Variants in KANSL1 observed in about 807,000 individuals in gnomAD.
The protein encoded by KANSL1 is KAT8 regulatory NSL complex subunit 1.
Under a neutral mutation model 103.6 loss-of-function variants are expected in KANSL1, and 22 were observed. That is an observed-to-expected ratio of 0.21 (90% CI 0.15 to 0.30). KANSL1 has a LOEUF of 0.30. Ranked by LOEUF, KANSL1 falls within the 10% of genes least tolerant of loss-of-function variation. KANSL1 has a pLI of 1.00. For missense variants in KANSL1, 1,337 were observed against 1,399.8 expected (o/e 0.96, Z 0.72); for synonymous variants, 600 against 527.6 (o/e 1.14, Z -1.88).
chr17:46,062,114 C>CAAAAAAAAAAAAAAAAAAAAAAAAAAAA (rs1192815524), intron 6 of KANSL1, among the ~76,000 whole-genome samples: 3 of 37,120 alleles, frequency 8.1e-5, no homozygotes, highest in East Asian at 1.1e-3. Flanking sequence ...AAAAAACAAA[C>CAAAAAAAAAAAAAAAAAAAAAAAAAAAA]AAACAAAAAA....
rs905959171 is a variant in KANSL1, at chr17:46,146,706, G to A, written c.1289+24149C>T. ...AAATTAGCCGGGCGTAGTGGCGGGC[G>A]CCTGTAGTCCCAGCTACTTGGGAGG... On this transcript the variant is annotated intron_variant, in intron 2 of 14. Coordinates refer to ENST00000432791, the MANE Select transcript of KANSL1 (RefSeq NM_015443.4). Among the ~76,000 whole-genome samples, 89 of 143,574 alleles carry A rather than the reference G, an allele frequency of 6.2e-4. No homozygotes were observed. In the East Asian group the frequency reaches 0.016, roughly 26 times the overall value. The allele number at this position is 143,574 out of a possible 152,430, so 94.2% of individuals were successfully genotyped here.
At position 46,171,669 on chromosome 17, in the gene KANSL1, T is replaced by C. The variant is rs1205072777; in HGVS notation, c.475A>G (p.Lys159Glu). 2.6e-6 allele frequency: 4 copies of C among 1,552,120 alleles called. No individual in the cohort carries two copies. Among genetic ancestry groups the C allele is most frequent in the Admixed American group, 4.2e-5 (2 of 48,054 alleles). ...LPQAPVNGLA[K>E]KLTKSSTHSD... ...TGTGTTGAACTTTTAGTCAATTTCT[T>C]AGCCAACCCATTTACAGGTGCTTGT... The change falls in exon 2 of 15, where the codon AAG becomes GAG. Residue 159 changes from lysine (K) to glutamate (E), a missense_variant. By Grantham distance (56) the Lys-to-Glu change is moderately conservative (BLOSUM62 1). Around this residue, in one of 2 missense-constraint regions of KANSL1, gnomAD observed 557 missense variants for 476.4 expected, o/e 1.17. Transcript: ENST00000432791.
At chr17:46,123,736 G>A (rs1176734498) in intron 2 of KANSL1, among the ~76,000 whole-genome samples, 1 of 152,208 alleles carries the variant, frequency 6.6e-6, no homozygotes, top group African/African-American at 2.4e-5. Flanking sequence ...GAAGATGACG[G>A]AGGCTGCTTT....
intron 6 of KANSL1, among the ~76,000 whole-genome samples, chr17:46,058,603 G>A (rs2078013344): frequency 6.6e-6 from 1 of 152,050 alleles, no homozygotes; most frequent in African/African-American, 2.4e-5. Flanking sequence ...AGTAGGCTGT[G>A]GGAAACTAAG....
intron 1 of KANSL1, among the ~76,000 whole-genome samples, chr17:46,199,326 T>A (rs893539944): frequency 4.6e-5 from 7 of 152,226 alleles, no homozygotes; most frequent in Non-Finnish European, 1.0e-4. Context: ...ACCTAAACCA[T>A]ACTACCTATT....
intron 1 of KANSL1, among the ~76,000 whole-genome samples, chr17:46,214,372 G>A (rs1426903814): frequency 6.6e-6 from 1 of 152,216 alleles, no homozygotes; most frequent in African/African-American, 2.4e-5. Flanking sequence ...AAGCAGTGAT[G>A]GCCGGGTATG....
At chr17:46,079,446 C>G (rs543437246) in intron 4 of KANSL1, among the ~76,000 whole-genome samples, 2 of 152,198 alleles carry the variant, frequency 1.3e-5, no homozygotes, top group South Asian at 4.1e-4. Flanking sequence ...TGATTAGGGC[C>G]CAGAAGTCTT....
intron 1 of KANSL1, among the ~76,000 whole-genome samples, chr17:46,200,744 A>AATATAT (rs66498281): frequency 6.7e-6 from 1 of 150,028 alleles, no homozygotes; most frequent in African/African-American, 2.5e-5. Flanking sequence ...TCTGTCTCAA[A>AATATAT]ATATATATAT....
At chr17:46,050,085 T>G in intron 7 of KANSL1, 1 of 154,692 alleles carries the variant, frequency 6.5e-6, no homozygotes, top group Non-Finnish European at 1.4e-5. Flanking sequence ...CTGGCTAATT[T>G]TTTATATTTA....
intron 1 of KANSL1, among the ~76,000 whole-genome samples, chr17:46,217,524 T>A (rs1567812975): frequency 6.7e-6 from 1 of 150,176 alleles, no homozygotes; most frequent in Non-Finnish European, 1.5e-5. Flanking sequence ...TAAAATGAGG[T>A]CATCAGAGAG....
intron 4 of KANSL1, among the ~76,000 whole-genome samples, chr17:46,069,221 C>A (rs2078489495): frequency 6.6e-6 from 1 of 152,164 alleles, no homozygotes; most frequent in African/African-American, 2.4e-5. Flanking sequence ...AGCCACCACA[C>A]CTAACCTGTC....
At chr17:46,118,342 G>A (rs2043134086) in intron 2 of KANSL1, among the ~76,000 whole-genome samples, 1 of 152,242 alleles carries the variant, frequency 6.6e-6, no homozygotes, top group Non-Finnish European at 1.5e-5. Flanking sequence ...ATGACTATTA[G>A]CTAAACAGTA....
chr17:46,074,160 G>GGAACC (rs1184364043), intron 4 of KANSL1, among the ~76,000 whole-genome samples: 6 of 152,080 alleles, frequency 3.9e-5, no homozygotes, highest in Non-Finnish European at 8.8e-5. Flanking sequence ...AAATACAAGA[G>GGAACC]GAACCTGGAA....
chr17:46,092,865 A>G (rs867981830), intron 3 of KANSL1: 1 of 152,140 alleles, frequency 6.6e-6, no homozygotes, highest in African/African-American at 2.4e-5. Context: ...AATTTCTGTT[A>G]TGCCCTGGTT....
rs924188809 is a variant in KANSL1 at position 46,105,884 on chromosome 17, C to G, written c.1290-11183G>C. On this transcript the variant is annotated intron_variant, in intron 2 of 14. Coordinates refer to ENST00000432791, the MANE Select transcript of KANSL1 (RefSeq NM_015443.4). The stretch of plus-strand genomic sequence containing the variant: ...AGACCTTCACACACACACACACACA[C>G]ACACACACAGAGCAAGGCCTTGACA... Among the ~76,000 whole-genome samples, 182 of 117,656 alleles carry G rather than the reference C, an allele frequency of 1.5e-3. 2 individuals are homozygous for G. Among genetic ancestry groups the G allele is most frequent in the Non-Finnish European group, 3.1e-3 (155 of 50,422 alleles). 77.2% of individuals were successfully genotyped at this position (117,656 alleles called of 152,430 possible).
intron 4 of KANSL1, among the ~76,000 whole-genome samples, chr17:46,074,381 G>C (rs1278748162): frequency 6.6e-6 from 1 of 151,810 alleles, no homozygotes; most frequent in African/African-American, 2.4e-5. Context: ...TAAATGAGGG[G>C]GGAAGACACC....
intron 1 of KANSL1, among the ~76,000 whole-genome samples, chr17:46,200,340 C>T (rs1421378629): frequency 6.6e-6 from 1 of 152,176 alleles, no homozygotes; most frequent in Non-Finnish European, 1.5e-5. Context: ...AACTTCAAGG[C>T]AGCTGTGAGC....
At chr17:46,070,085 G>C (rs1300486738) in intron 4 of KANSL1, among the ~76,000 whole-genome samples, 2 of 152,136 alleles carry the variant, frequency 1.3e-5, no homozygotes, top group Admixed American at 6.5e-5. Context: ...CCTATCTTCT[G>C]ACAAAATATT....
At chr17:46,183,427 A>G (rs1220388340) in intron 1 of KANSL1, among the ~76,000 whole-genome samples, 6 of 152,002 alleles carry the variant, frequency 3.9e-5, no homozygotes, top group Non-Finnish European at 7.4e-5. Context: ...TAAAAAAATA[A>G]TAATTAGCTG....
Sources: gnomAD v4.1 joint callset for allele counts (sites outside exome capture counted in the v4.1 genomes callset) on GRCh38, gnomAD v4.1.1 for gene constraint, gnomAD v4.1.1 regional missense constraint, MANE v1.5 for transcripts, NCBI Gene and HGNC (gene_info 2026-07-23, HGNC 2026-07-21) for gene names.